Variants in PTPRN2 observed in about 807,000 individuals in gnomAD.
PTPRN2 encodes the protein protein tyrosine phosphatase receptor type N2.
In PTPRN2, 74 loss-of-function variants were observed where a neutral mutation model predicts 118.8. The ratio of observed to expected loss-of-function variants is 0.62; its 90% CI spans 0.52 to 0.76. PTPRN2 has a LOEUF of 0.76. Ranked by LOEUF, PTPRN2 falls within the 30% of genes least tolerant of loss-of-function variation. The pLI, the probability that PTPRN2 is intolerant of heterozygous loss-of-function variation, is 0.00. For synonymous variants in PTPRN2, 641 were observed against 608.0 expected (o/e 1.05, Z -0.80); for missense variants, 1,481 against 1,394.4 (o/e 1.06, Z -0.99).
At chr7:157,661,164 C>T (rs764073492) in intron 13 of PTPRN2, among the ~76,000 whole-genome samples, 6 of 152,272 alleles carry the variant, frequency 3.9e-5, no homozygotes, top group Non-Finnish European at 7.3e-5. Flanking sequence ...GGGTTCGGTG[C>T]CTCTCAGCGG....
In PTPRN2 at chr7:158,271,086, CT is replaced by C. The variant is rs1184969160; in HGVS notation, c.277+45732del. ...CCACCCCCTCCACCTGGACGACCCC[CT>C]CCACCTGGGCTGCCCCCTCCACCTG... On this transcript the variant is annotated intron_variant, in intron 3 of 22. Transcript: ENST00000389418. Among the ~76,000 whole-genome samples, 9 of 126,904 alleles carry C rather than the reference CT, an allele frequency of 7.1e-5. No individual in the cohort carries two copies. In the East Asian group the frequency reaches 1.6e-3, roughly 22 times the overall value. 83.3% of individuals were successfully genotyped at this position (126,904 alleles called of 152,430 possible).
At chr7:158,054,160 C>A (rs1481574866) in intron 11 of PTPRN2, among the ~76,000 whole-genome samples, 1 of 152,166 alleles carries the variant, frequency 6.6e-6, no homozygotes, top group Non-Finnish European at 1.5e-5. Flanking sequence ...AGAGAAGTCA[C>A]TGACACACAG....
At chr7:158,243,010 G>T (rs1341868098) in intron 3 of PTPRN2, among the ~76,000 whole-genome samples, 1 of 152,068 alleles carries the variant, frequency 6.6e-6, no homozygotes, top group African/African-American at 2.4e-5. Context: ...TAGGCTATTT[G>T]ACTTGTTTCT....
intron 12 of PTPRN2, among the ~76,000 whole-genome samples, chr7:157,880,953 C>G (rs897366226): frequency 1.1e-4 from 16 of 152,206 alleles, no homozygotes; most frequent in African/African-American, 3.9e-4. Flanking sequence ...CTAACAGGGT[C>G]AGAGTTTAGA....
intron 12 of PTPRN2, among the ~76,000 whole-genome samples, chr7:157,842,741 G>A (rs1033502869): frequency 6.6e-5 from 10 of 152,036 alleles, no homozygotes; most frequent in East Asian, 1.9e-4. Context: ...CCCTGTCTCC[G>A]CCACAGTGCA....
At chr7:158,216,480 T>C (rs923538296) in intron 3 of PTPRN2, among the ~76,000 whole-genome samples, 3 of 151,952 alleles carry the variant, frequency 2.0e-5, no homozygotes, top group African/African-American at 7.2e-5. Flanking sequence ...TCACTTTGAA[T>C]AAAATGATAT....
chr7:158,260,694 G>A (rs911658833), intron 3 of PTPRN2, among the ~76,000 whole-genome samples: 14 of 152,154 alleles, frequency 9.2e-5, no homozygotes, highest in African/African-American at 2.4e-4. Context: ...TGCCACTAGC[G>A]CTCCGTGGGG....
intron 11 of PTPRN2, among the ~76,000 whole-genome samples, chr7:157,995,247 C>A (rs1804629996): frequency 6.6e-6 from 1 of 151,178 alleles, no homozygotes; most frequent in African/African-American, 2.4e-5. Context: ...TAAATCAACG[C>A]TGCATCCCCA....
intron 3 of PTPRN2, among the ~76,000 whole-genome samples, chr7:158,211,522 T>G (rs1827599977): frequency 1.3e-5 from 2 of 152,302 alleles, no homozygotes; most frequent in African/African-American, 4.8e-5. Context: ...GAAAAAAATT[T>G]CAATAATCTA....
At chr7:158,275,053 G>A (rs1346550708) in intron 3 of PTPRN2, among the ~76,000 whole-genome samples, 2 of 152,158 alleles carry the variant, frequency 1.3e-5, no homozygotes, top group Non-Finnish European at 2.9e-5. Context: ...GCCTTCTGAG[G>A]GTAAAGGGTG....
chr7:158,034,430 G>T (rs112346887), intron 11 of PTPRN2, among the ~76,000 whole-genome samples: 2 of 152,308 alleles, frequency 1.3e-5, no homozygotes, highest in African/African-American at 4.8e-5. Context: ...CATGCTGTTC[G>T]TGTGATAGTG....
chr7:157,874,995 G>T lies in PTPRN2; in HGVS notation c.1788+23678C>A, dbSNP rs971837743. Among the ~76,000 whole-genome samples the T allele has an allele frequency of 4.0e-5, 6 of 148,948 alleles. No homozygotes were observed. Among genetic ancestry groups the T allele is most frequent in the Non-Finnish European group, 8.9e-5 (6 of 67,156 alleles). ...GAGACACAGGCACACACAGGCAGAC[G>T]CAAACGTGCATGCACACAGACACAC... is the stretch of plus-strand genomic sequence containing the variant. On this transcript the variant is annotated intron_variant, in intron 12 of 22. Transcript: ENST00000389418. This position sits in a 1 kb window ranked among gnomAD's most constrained non-coding sequence, Gnocchi z 5.8.
chr7:158,584,516 G>C (rs534840257), intron 1 of PTPRN2, among the ~76,000 whole-genome samples: 52 of 152,284 alleles, frequency 3.4e-4, no homozygotes, highest in Non-Finnish European at 5.7e-4. Flanking sequence ...AAGCTGAATC[G>C]TGTCACTAGA....
chr7:158,243,106 G>A lies in PTPRN2; in HGVS notation c.278-37833C>T, dbSNP rs1360608842. Among the ~76,000 whole-genome samples the A allele has an allele frequency of 3.9e-5, 6 of 152,114 alleles. No individual in the cohort carries two copies. The East Asian group carries it at 1.2e-3, about 29-fold the overall frequency. On this transcript the variant is annotated intron_variant, in intron 3 of 22. Coordinates refer to ENST00000389418, the MANE Select transcript of PTPRN2 (RefSeq NM_002847.5). ...CCTAGTGCCTTGGGGTGTAATGTTA[G>A]GTTGATTAGAAAACAAAATAAGCTA...
chr7:157,758,693 C>T (rs1317160862), intron 12 of PTPRN2, among the ~76,000 whole-genome samples: 5 of 152,152 alleles, frequency 3.3e-5, no homozygotes, highest in Non-Finnish European at 7.4e-5. Flanking sequence ...CAGGTCCCTC[C>T]TGACCCCCGC....
At chr7:157,772,443 C>A (rs145700913) in intron 12 of PTPRN2, among the ~76,000 whole-genome samples, 28 of 152,282 alleles carry the variant, frequency 1.8e-4, no homozygotes, top group African/African-American at 6.7e-4. Flanking sequence ...AGCCCTGGCC[C>A]GCAGACCATG....
At chr7:157,816,882 TTACTC>T (rs1806438843) in intron 12 of PTPRN2, among the ~76,000 whole-genome samples, 1 of 152,186 alleles carries the variant, frequency 6.6e-6, no homozygotes, top group African/African-American at 2.4e-5. Context: ...TCTTTTCTCT[TTACTC>T]AGGAATATCC....
chr7:157,889,847 C>T (rs1336558233), intron 12 of PTPRN2, among the ~76,000 whole-genome samples: 1 of 152,226 alleles, frequency 6.6e-6, no homozygotes, highest in Non-Finnish European at 1.5e-5. Flanking sequence ...GCTCTCCTTT[C>T]CCAATTACGA....
chr7:158,059,510 G>T (rs1348905036), intron 11 of PTPRN2, among the ~76,000 whole-genome samples: 18 of 107,736 alleles, frequency 1.7e-4, no homozygotes, highest in African/African-American at 7.8e-4. Context: ...TGCACACAGT[G>T]ACACATCACT....
Sources: allele counts gnomAD v4.1 joint callset (sites outside exome capture counted in the v4.1 genomes callset), GRCh38; gene constraint gnomAD v4.1.1; non-coding constraint Gnocchi (gnomAD v3.1); transcripts MANE v1.5; gene names NCBI Gene and HGNC (gene_info 2026-07-23, HGNC 2026-07-21).